Variants in HTR2A observed in about 807,000 individuals in gnomAD.
HTR2A encodes the protein 5-hydroxytryptamine receptor 2A, also known as 5-HT2 receptor.
A neutral mutation model predicts 31.0 loss-of-function variants in HTR2A; 14 were observed. That is an observed-to-expected ratio of 0.45 (90% confidence interval 0.30 to 0.71). The LOEUF is 0.71. Among genes scored for constraint, HTR2A ranks in the 30% least tolerant of loss-of-function variants. HTR2A has a pLI of 0.09. For synonymous variants in HTR2A, 209 were observed against 225.2 expected (o/e 0.93, Z 0.64); for missense variants, 442 against 573.3 (o/e 0.77, Z 2.34).
Position 46,896,330 on chromosome 13 carries a change from A to T in HTR2A, c.-328-96T>A, listed in dbSNP as rs1464657316. On this transcript the variant is annotated intron_variant, in intron 1 of 3. Coordinates refer to ENST00000542664, the MANE Select transcript of HTR2A (RefSeq NM_000621.5). ...CCGATGGTACTAGTTTAGCAACAGT[A>T]TTATTAAAATAGCATGCAATCAGAA... 13 of 652,560 alleles carry T rather than the reference A, an allele frequency of 2.0e-5. No homozygotes were observed. In the Admixed American group the frequency reaches 4.8e-4, roughly 24 times the overall value. The allele number at this position is 652,560 out of a possible 1,614,324, so 40.4% of individuals were successfully genotyped here.
intron 3 of HTR2A, among the ~76,000 whole-genome samples, chr13:46,859,889 G>A (rs1950767309): frequency 6.6e-6 from 1 of 152,134 alleles, no homozygotes; most frequent in African/African-American, 2.4e-5. Flanking sequence ...TTATGCCCTG[G>A]CCTATCATCA....
chr13:46,893,756 TG>T (rs1951074837), intron 2 of HTR2A, among the ~76,000 whole-genome samples: 1 of 152,210 alleles, frequency 6.6e-6, no homozygotes, highest in Non-Finnish European at 1.5e-5. Flanking sequence ...TAATTAGTTT[TG>T]ATCACAGTAT....
In HTR2A at chr13:46,834,421, A is replaced by C. The variant is rs1174943611; in HGVS notation, c.*416T>G. 1 of 158,530 alleles carries C rather than the reference A, an allele frequency of 6.3e-6. No homozygotes were observed. Among genetic ancestry groups the C allele is most frequent in the African/African-American group, 2.4e-5 (1 of 41,582 alleles). The allele number at this position is 158,530 out of a possible 1,614,324, so 9.8% of individuals were successfully genotyped here. On this transcript the variant is annotated 3_prime_UTR_variant, in exon 4 of 4. Coordinates refer to ENST00000542664, the MANE Select transcript of HTR2A (RefSeq NM_000621.5). ...TTTTAAGAGGCCATTATATTCAATAAAATTTTCACTATTTATAGCTATTTT... is the reference window on the plus strand; with the variant it reads ...TTTTAAGAGGCCATTATATTCAATACAATTTTCACTATTTATAGCTATTTT...
intron 3 of HTR2A, among the ~76,000 whole-genome samples, chr13:46,874,488 G>T (rs1364539430): frequency 6.6e-6 from 1 of 152,076 alleles, no homozygotes; most frequent in African/African-American, 2.4e-5. Context: ...ATATAATTGA[G>T]TTCCTATTTA....
chr13:46,857,676 TAGTG>T (rs1484432773), intron 3 of HTR2A, among the ~76,000 whole-genome samples: 3 of 152,282 alleles, frequency 2.0e-5, no homozygotes, highest in African/African-American at 7.2e-5. Flanking sequence ...TAGAAAGTGA[TAGTG>T]AGGCCTCAAA....
intron 3 of HTR2A, among the ~76,000 whole-genome samples, chr13:46,869,113 G>A (rs899395174): frequency 6.6e-6 from 1 of 152,088 alleles, no homozygotes; most frequent in Non-Finnish European, 1.5e-5. Flanking sequence ...AAAAACCTTT[G>A]TGCATCAAAG....
intron 3 of HTR2A, among the ~76,000 whole-genome samples, chr13:46,888,784 A>G (rs1388322510): frequency 1.3e-5 from 2 of 152,236 alleles, no homozygotes; most frequent in East Asian, 1.9e-4. Flanking sequence ...AAAAGGTTCT[A>G]AAGTTTTTGC....
intron 3 of HTR2A, among the ~76,000 whole-genome samples, chr13:46,888,333 A>G (rs1951025980): frequency 6.6e-6 from 1 of 152,198 alleles, no homozygotes; most frequent in Admixed American, 6.5e-5. Context: ...TTGCTAAAAT[A>G]GAGACAAAAC....
intron 3 of HTR2A, among the ~76,000 whole-genome samples, chr13:46,856,482 C>T (rs1229659712): frequency 6.6e-6 from 1 of 151,976 alleles, no homozygotes; most frequent in Admixed American, 6.6e-5. Context: ...CTTGGCTATC[C>T]CTACACTTGG....
chr13:46,872,378 G>T (rs770268720), intron 3 of HTR2A, among the ~76,000 whole-genome samples: 5 of 152,070 alleles, frequency 3.3e-5, no homozygotes, highest in Non-Finnish European at 5.9e-5. Flanking sequence ...ATTAACAAGC[G>T]TATGTGCAAA....
chr13:46,842,681 T>G (rs535697687), intron 3 of HTR2A, among the ~76,000 whole-genome samples: 11 of 152,288 alleles, frequency 7.2e-5, no homozygotes, highest in African/African-American at 2.6e-4. Flanking sequence ...ATTATTCAAC[T>G]TTCTCAATAG....
intron 3 of HTR2A, among the ~76,000 whole-genome samples, chr13:46,890,204 G>A (rs929419078): frequency 5.2e-4 from 79 of 152,326 alleles, no homozygotes; most frequent in African/African-American, 1.8e-3. Context: ...TTAGCCGGGC[G>A]TGGTGGCACA....
At position 46,832,107 on chromosome 13, in the gene HTR2A, G is replaced by A. The variant is rs1221039259; in HGVS notation, c.*2730C>T. 2 of 152,158 alleles carry A rather than the reference G, an allele frequency of 1.3e-5. No individual in the cohort carries two copies. The highest frequency in any genetic ancestry group is 6.5e-5 in the Admixed American group (1 of 15,278). 9.4% of individuals were successfully genotyped at this position (152,158 alleles called of 1,614,324 possible). A position where few individuals can be genotyped will look rare whatever the true frequency, so the allele number is the denominator to read the frequency against. Reference sequence around the variant, plus strand: ...ACTATATATGTGGACCATTGTTTTCGCCATCCTCATAGACTTGTCTTAAAG... The same window carrying A: ...ACTATATATGTGGACCATTGTTTTCACCATCCTCATAGACTTGTCTTAAAG... On this transcript the variant is annotated 3_prime_UTR_variant, in exon 4 of 4. Coordinates refer to ENST00000542664, the MANE Select transcript of HTR2A (RefSeq NM_000621.5).
Position 46,879,826 on chromosome 13 carries a change from G to GAAAGCCC in HTR2A, c.613+12557_613+12563dup, listed in dbSNP as rs149996627. Among the ~76,000 whole-genome samples, 622 of 152,272 alleles carry GAAAGCCC rather than the reference G, an allele frequency of 4.1e-3. 3 individuals carry two copies. Among genetic ancestry groups the GAAAGCCC allele is most frequent in the African/African-American group, 0.014 (596 of 41,562 alleles). On this transcript the variant is annotated intron_variant, in intron 3 of 3. Transcript: ENST00000542664. ...TCAAGATCAGCCTGGGCAACACATT[G>GAAAGCCC]AAAGCCCATCTTTACAAAAAATACA...
chr13:46,878,448 G>A (rs940532065), intron 3 of HTR2A, among the ~76,000 whole-genome samples: 1 of 152,098 alleles, frequency 6.6e-6, no homozygotes, highest in African/African-American at 2.4e-5. Flanking sequence ...CAGCCACAGG[G>A]TACTTGGATG....
chr13:46,884,026 G>C (rs114898971), intron 3 of HTR2A, among the ~76,000 whole-genome samples: 2 of 152,218 alleles, frequency 1.3e-5, no homozygotes, highest in Non-Finnish European at 2.9e-5. Context: ...TGTGGTTACC[G>C]AGGTGAAAAT....
At chr13:46,876,399 TATA>T (rs1346644774) in intron 3 of HTR2A, among the ~76,000 whole-genome samples, 1,081 of 91,862 alleles carry the variant, frequency 0.012, 32 homozygotes, top group East Asian at 0.019. Flanking sequence ...TATATATATA[TATA>T]TATTTTTTTT....
In HTR2A at chr13:46,873,517, T is replaced by C. The variant is rs564288168; in HGVS notation, c.613+18873A>G. On this transcript the variant is annotated intron_variant, in intron 3 of 3. Coordinates refer to ENST00000542664, the MANE Select transcript of HTR2A (RefSeq NM_000621.5). ...AATGTGCCGGTTAGTTACATATGTA[T>C]ACATGTGCCATGTTGGTGTGCTGCA... Among the ~76,000 whole-genome samples the C allele has an allele frequency of 9.8e-4, 149 of 151,528 alleles. 1 individual carries two copies. In the Middle Eastern group the frequency reaches 0.01, roughly 10 times the overall value.
chr13:46,862,675 CTTATG>C (rs1457754423), intron 3 of HTR2A, among the ~76,000 whole-genome samples: 1 of 152,162 alleles, frequency 6.6e-6, no homozygotes, highest in African/African-American at 2.4e-5. Context: ...CAACTTATAA[CTTATG>C]TTGGGTCAGG....
Sources: gnomAD v4.1 joint callset for allele counts (sites outside exome capture counted in the v4.1 genomes callset) on GRCh38, gnomAD v4.1.1 for gene constraint, MANE v1.5 for transcripts, NCBI Gene and HGNC (gene_info 2026-07-23, HGNC 2026-07-21) for gene names.